ARID2: variants seen among roughly 807,000 people sequenced by gnomAD.
ARID2 encodes the protein AT-rich interactive domain-containing protein 2.
ARID2 carries 32 observed loss-of-function variants against 184.6 expected under a neutral mutation model. That is an observed-to-expected ratio of 0.17 (90% CI 0.13 to 0.23). The LOEUF is 0.23. Among genes scored for constraint, ARID2 ranks in the 10% least tolerant of loss-of-function variants. The pLI, the probability that ARID2 is intolerant of heterozygous loss-of-function variation, is 1.00. For synonymous variants in ARID2, 836 were observed against 772.6 expected, an observed-to-expected ratio of 1.08 and a Z score of -1.36; for missense variants, 1,696 against 2,197.6, an observed-to-expected ratio of 0.77 and a Z score of 4.56.
At position 45,850,868 on chromosome 12, in the gene ARID2, T is replaced by C. The variant is rs763343633; in HGVS notation, c.2745T>C (p.Ile915=). 76 of 1,614,090 alleles carry C rather than the reference T, an allele frequency of 4.7e-5. 4 individuals carry two copies. In the South Asian group the frequency reaches 8.1e-4, roughly 17 times the overall value. The change falls in exon 15 of 21, where the codon ATT becomes ATC. Residue 915 remains isoleucine, a synonymous_variant. Transcript: ENST00000334344. ...CATCTACAGTGGTACAGCAGCCTAT[T>C]CAACAACCACAGCAGCCAACCCAAC... ...QVSSTVVQQP[I]QQPQQPTQQS...
intron 20 of ARID2, among the ~76,000 whole-genome samples, chr12:45,903,433 A>G (rs1429886877): frequency 1.3e-5 from 2 of 152,212 alleles, no homozygotes; most frequent in Non-Finnish European, 2.9e-5. Context: ...TTATCAATTG[A>G]CACTCTATAG....
intron 3 of ARID2, among the ~76,000 whole-genome samples, chr12:45,734,472 C>T (rs1010029353): frequency 9.9e-5 from 15 of 151,860 alleles, no homozygotes; most frequent in Non-Finnish European, 2.9e-5. Context: ...TTGGCATGTA[C>T]ATCTCAATGT....
intron 3 of ARID2, among the ~76,000 whole-genome samples, chr12:45,795,454 C>A (rs559648603): frequency 1.7e-3 from 251 of 151,722 alleles, no homozygotes; most frequent in Middle Eastern, 0.01. Flanking sequence ...TTTTTTTAGA[C>A]GGAGTCTCGC....
intron 3 of ARID2, among the ~76,000 whole-genome samples, chr12:45,811,208 CAAA>C (rs770817250): frequency 4.0e-5 from 3 of 75,502 alleles, no homozygotes; most frequent in African/African-American, 5.2e-5. Context: ...GACTCTGTCT[CAAA>C]AAAAAAAAAA....
At position 45,880,866 on chromosome 12, in the gene ARID2, A is replaced by C. The variant is rs561881804; in HGVS notation, c.4923-10914A>C. On this transcript the variant is annotated intron_variant, in intron 16 of 20. Transcript: ENST00000334344. Reference sequence around the variant, plus strand: ...AGGTGTTGGATTCAAGACAACTGTCAGATGGCGTTCATCTGCATAAGTGAA... The same window carrying C: ...AGGTGTTGGATTCAAGACAACTGTCCGATGGCGTTCATCTGCATAAGTGAA... The C allele has an allele frequency of 2.9e-5, 5 of 172,636 alleles. No homozygotes were observed. In the East Asian group the frequency reaches 7.4e-4, roughly 26 times the overall value. The allele number at this position is 172,636 out of a possible 1,614,324, so 10.7% of individuals were successfully genotyped here.
chr12:45,833,638 G>A (rs1395090307), intron 6 of ARID2, among the ~76,000 whole-genome samples: 1 of 152,112 alleles, frequency 6.6e-6, no homozygotes, highest in Non-Finnish European at 1.5e-5. Flanking sequence ...TCAGAGTAGG[G>A]TTGTTTTAAA....
intron 3 of ARID2, among the ~76,000 whole-genome samples, chr12:45,792,254 A>G (rs968816972): frequency 1.3e-5 from 2 of 152,168 alleles, no homozygotes; most frequent in African/African-American, 2.4e-5. Flanking sequence ...TATTATGATT[A>G]GGTTAAAATG....
intron 3 of ARID2, among the ~76,000 whole-genome samples, chr12:45,757,876 G>C (rs1941598256): frequency 6.6e-6 from 1 of 152,140 alleles, no homozygotes; most frequent in South Asian, 2.1e-4. Flanking sequence ...TTTTATTCTT[G>C]AACTGGTGGA....
In ARID2 at chr12:45,851,780, C is replaced by T. The variant is rs1160356421; in HGVS notation, c.3657C>T (p.Ala1219=). The T allele has an allele frequency of 6.2e-7, 1 of 1,613,986 alleles. No individual in the cohort carries two copies. Among genetic ancestry groups the T allele is most frequent in the African/African-American group, 1.3e-5 (1 of 74,918 alleles). The change falls in exon 15 of 21, where the codon GCC becomes GCT. Residue 1219 remains alanine, a synonymous_variant. Transcript: ENST00000334344. ...GACTTCCAGTACAAACGCTTCCAGC[C>T]ACTCAAGCATCTCCTGCTGGACAAT... The part of the protein sequence containing the change: ...GVGLPVQTLP[A]TQASPAGQSS...
rs1020912002 is a variant in ARID2, at chr12:45,852,016, A to G, written c.3893A>G (p.Lys1298Arg). 10 of 1,614,168 alleles carry G rather than the reference A, an allele frequency of 6.2e-6. No homozygotes were observed. The highest frequency in any genetic ancestry group is 2.2e-5 in the East Asian group (1 of 44,860). Residue 1298 changes from lysine to arginine, a missense_variant, in exon 15 of 21, where the codon AAG becomes AGG. Lys to Arg is a conservative substitution (Grantham distance 26). Around this residue, in one of 11 missense-constraint regions of ARID2, gnomAD observed 428 missense variants for 409.1 expected, o/e 1.05. Coordinates refer to ENST00000334344, the MANE Select transcript of ARID2 (RefSeq NM_152641.4). The part of the protein sequence containing the change: ...MHVGSLLNGR[K>R]YSDSSLPPSN... ...GTGGGAAGTCTTTTAAATGGGAGAA[A>G]GTACAGTGACTCAAGTCTACCTCCT... is the stretch of plus-strand genomic sequence containing the variant.
chr12:45,853,728 A>G (rs573212303), intron 15 of ARID2, among the ~76,000 whole-genome samples: 1 of 152,300 alleles, frequency 6.6e-6, no homozygotes, highest in East Asian at 1.9e-4. Flanking sequence ...AGAACCTTCT[A>G]TGACTACTGC....
intron 3 of ARID2, among the ~76,000 whole-genome samples, chr12:45,737,596 G>A (rs915934833): frequency 3.3e-5 from 5 of 151,430 alleles, no homozygotes; most frequent in Non-Finnish European, 7.4e-5. Flanking sequence ...GGCATATAAT[G>A]TTTAGTTGTC....
intron 16 of ARID2, among the ~76,000 whole-genome samples, chr12:45,863,470 C>T (rs1368263285): frequency 6.6e-6 from 1 of 151,962 alleles, no homozygotes; most frequent in Non-Finnish European, 1.5e-5. Context: ...CCTGTAATGC[C>T]AGCTACTCGG....
intron 6 of ARID2, among the ~76,000 whole-genome samples, chr12:45,827,867 C>T (rs1943031518): frequency 6.6e-6 from 1 of 152,040 alleles, no homozygotes; most frequent in Non-Finnish European, 1.5e-5. Context: ...ACAAATGTGC[C>T]TGTTTCAGCT....
chr12:45,752,583 A>G (rs532893127), intron 3 of ARID2, among the ~76,000 whole-genome samples: 2 of 152,258 alleles, frequency 1.3e-5, no homozygotes, highest in East Asian at 1.9e-4. Flanking sequence ...GTGTAATGGT[A>G]TAATCATAGC....
chr12:45,820,807 G>T (rs1942882258), intron 5 of ARID2, among the ~76,000 whole-genome samples: 1 of 152,144 alleles, frequency 6.6e-6, no homozygotes, highest in Non-Finnish European at 1.5e-5. Flanking sequence ...GGAAGTGAGG[G>T]CCACATGTGG....
intron 3 of ARID2, among the ~76,000 whole-genome samples, chr12:45,742,052 C>G (rs151139508): frequency 6.6e-6 from 1 of 152,290 alleles, no homozygotes; most frequent in Non-Finnish European, 1.5e-5. Context: ...TGTTCATCTT[C>G]TCAGTTCTGC....
chr12:45,804,639 TG>T (rs1490527485), intron 3 of ARID2, among the ~76,000 whole-genome samples: 1 of 152,110 alleles, frequency 6.6e-6, no homozygotes, highest in Non-Finnish European at 1.5e-5. Context: ...TGGAAATGTC[TG>T]TTCTTGGAAA....
intron 15 of ARID2, 88 bp downstream of exon 15, chr12:45,852,984 C>T: frequency 1.4e-6 from 2 of 1,430,018 alleles, no homozygotes; most frequent in Non-Finnish European, 1.8e-6. Context: ...TTCCATGTCT[C>T]ATCTTGAAAA....
Sources: gnomAD v4.1 joint callset for allele counts (sites outside exome capture counted in the v4.1 genomes callset) on GRCh38, gnomAD v4.1.1 for gene constraint, gnomAD v4.1.1 regional missense constraint, MANE v1.5 for transcripts, NCBI Gene and HGNC (gene_info 2026-07-23, HGNC 2026-07-21) for gene names.